MTPN: variants seen among roughly 807,000 people sequenced by gnomAD.
MTPN encodes myotrophin, also known as granule cell differentiation protein.
Under a neutral mutation model 13.5 loss-of-function variants are expected in MTPN, and 2 were observed. The ratio of observed to expected loss-of-function variants is 0.15; its 90% CI spans 0.06 to 0.47. The LOEUF is 0.47. Among genes scored for constraint, MTPN ranks in the 20% least tolerant of loss-of-function variants. The pLI is 0.97. For synonymous variants in MTPN, 46 were observed against 51.7 expected (o/e 0.89, Z 0.48); for missense variants, 79 against 137.9 (o/e 0.57, Z 2.14).
intron 1 of MTPN, among the ~76,000 whole-genome samples, chr7:135,970,251 T>A (rs1799672307): frequency 6.6e-6 from 1 of 152,210 alleles, no homozygotes; most frequent in Admixed American, 6.5e-5. Flanking sequence ...GAAAAACAGA[T>A]GAGTAAGTAA....
intron 1 of MTPN, among the ~76,000 whole-genome samples, chr7:135,967,328 T>C (rs1799621022): frequency 6.6e-6 from 1 of 152,094 alleles, no homozygotes; most frequent in South Asian, 2.1e-4. Flanking sequence ...AGGGAATCTA[T>C]GCAGAACAAA....
rs558791351 is a variant in MTPN, at chr7:135,965,816, C to T, written c.72+11213G>A. Among the ~76,000 whole-genome samples the T allele has an allele frequency of 3.3e-5, 5 of 152,242 alleles. No individual in the cohort carries two copies. In the South Asian group the frequency reaches 6.2e-4, roughly 19 times the overall value. On this transcript the variant is annotated intron_variant, in intron 1 of 3. Coordinates refer to ENST00000393085, the MANE Select transcript of MTPN (RefSeq NM_145808.4). ...AGAGGAAATGAAAGAACATCATTTA[C>T]ACTAAGAATATCTGTTAACATACAA...
At chr7:135,961,315 A>AT (rs34714676) in intron 1 of MTPN, among the ~76,000 whole-genome samples, 64,812 of 151,576 alleles carry the variant, frequency 0.43, 14,225 homozygotes, top group African/African-American at 0.52. Flanking sequence ...AATTCAGTTG[A>AT]TTCCCCCCCT....
chr7:135,931,729 T>C (rs1323157602), intron 3 of MTPN, among the ~76,000 whole-genome samples: 1 of 152,230 alleles, frequency 6.6e-6, no homozygotes, highest in Non-Finnish European at 1.5e-5. Flanking sequence ...AGTGAACTTC[T>C]GTTGCTTTTT....
intron 1 of MTPN, among the ~76,000 whole-genome samples, chr7:135,968,666 T>C (rs898426746): frequency 1.3e-5 from 2 of 151,624 alleles, no homozygotes; most frequent in Admixed American, 1.3e-4. Flanking sequence ...CCTAAGATGA[T>C]TCATAAAGAA....
In MTPN at chr7:135,963,698, T is replaced by C. The variant is rs149563227; in HGVS notation, c.73-12068A>G. 5.9e-5 allele frequency among the ~76,000 whole-genome samples: 9 copies of C among 152,194 alleles called. No homozygotes were observed. In the East Asian group the frequency reaches 1.7e-3, roughly 29 times the overall value. ...TGCATCAAACTTTCAATGATACAAA[T>C]ATGAACTCATTTTAAATAATGAATA... On this transcript the variant is annotated intron_variant, in intron 1 of 3. Transcript: ENST00000393085.
In MTPN at chr7:135,927,754, G is replaced by A. The variant is rs574651964; in HGVS notation, c.*2172C>T. ...TCATAATTATAGGGTTTACAAAAAG[G>A]TCGAGAAAGAAAAGCGAAGGCGAAA... On this transcript the variant is annotated 3_prime_UTR_variant, in exon 4 of 4. Transcript: ENST00000393085. The A allele has an allele frequency of 4.5e-4, 210 of 471,892 alleles. No homozygotes were observed. The highest frequency in any genetic ancestry group is 4.0e-3 in the African/African-American group (199 of 49,938). The allele number at this position is 471,892 out of a possible 1,614,324, so 29.2% of individuals were successfully genotyped here. A position where few individuals can be genotyped will look rare whatever the true frequency, so the allele number is the denominator to read the frequency against.
At chr7:135,935,326 C>T (rs1400002975) in intron 3 of MTPN, among the ~76,000 whole-genome samples, 1 of 151,966 alleles carries the variant, frequency 6.6e-6, no homozygotes, top group African/African-American at 2.4e-5. Flanking sequence ...GCAACCTCCG[C>T]CTCTTGGGTT....
Position 135,927,880 on chromosome 7 carries a change from T to C in MTPN, c.*2046A>G. The C allele has an allele frequency of 5.8e-6, 2 of 347,632 alleles. No homozygotes were observed. Among genetic ancestry groups the C allele is most frequent in the Middle Eastern group, 9.3e-4 (1 of 1,074 alleles). 21.5% of individuals were successfully genotyped at this position (347,632 alleles called of 1,614,324 possible). On this transcript the variant is annotated 3_prime_UTR_variant, in exon 4 of 4. Coordinates refer to ENST00000393085, the MANE Select transcript of MTPN (RefSeq NM_145808.4). ...GAAAGCAGACCAGGTTTAGGAATGA[T>C]AGGACAATGCACTCTCTGCAATAGC...
chr7:135,970,398 AT>A (rs1799676230), intron 1 of MTPN, among the ~76,000 whole-genome samples: 1 of 152,196 alleles, frequency 6.6e-6, no homozygotes, highest in Non-Finnish European at 1.5e-5. Context: ...AATTAATTTA[AT>A]TTTACTTTTT....
chr7:135,941,467 CTT>C (rs1280515087), intron 3 of MTPN, among the ~76,000 whole-genome samples: 3 of 143,618 alleles, frequency 2.1e-5, no homozygotes, highest in Non-Finnish European at 4.6e-5. Context: ...TGTCTCATCT[CTT>C]TAACTTTTCC....
chr7:135,948,519 T>A (rs1799317492), intron 3 of MTPN, among the ~76,000 whole-genome samples: 1 of 152,132 alleles, frequency 6.6e-6, no homozygotes, highest in African/African-American at 2.4e-5. Flanking sequence ...AGCAACACAG[T>A]ACACACACAG....
At chr7:135,932,891 A>G (rs1241287324) in intron 3 of MTPN, 1 of 152,212 alleles carries the variant, frequency 6.6e-6, no homozygotes, top group East Asian at 1.9e-4. Context: ...GGAGTTAGAG[A>G]CCAGCCCGGC....
At chr7:135,976,357 A>G (rs976516194) in intron 1 of MTPN, among the ~76,000 whole-genome samples, 5 of 152,250 alleles carry the variant, frequency 3.3e-5, no homozygotes, top group Non-Finnish European at 7.3e-5. Context: ...TGAAGTTAAC[A>G]TGCTTGTTTA....
intron 1 of MTPN, among the ~76,000 whole-genome samples, chr7:135,975,097 C>T (rs1230365058): frequency 6.6e-6 from 1 of 152,114 alleles, no homozygotes; most frequent in African/African-American, 2.4e-5. Flanking sequence ...AAATTTTTTA[C>T]ATTAATGAAG....
At chr7:135,964,057 C>A (rs1004772084) in intron 1 of MTPN, among the ~76,000 whole-genome samples, 2 of 151,762 alleles carry the variant, frequency 1.3e-5, no homozygotes, top group Non-Finnish European at 2.9e-5. Flanking sequence ...TATAATATGT[C>A]AATTTGGAAA....
chr7:135,939,138 T>C (rs1251235616), intron 3 of MTPN, among the ~76,000 whole-genome samples: 1 of 152,210 alleles, frequency 6.6e-6, no homozygotes, highest in Non-Finnish European at 1.5e-5. Context: ...TGTTAACTCC[T>C]ATATCCCCAG....
At chr7:135,933,946 T>A (rs894305121) in intron 3 of MTPN, among the ~76,000 whole-genome samples, 4 of 152,010 alleles carry the variant, frequency 2.6e-5, no homozygotes, top group African/African-American at 9.7e-5. Flanking sequence ...GTGTAGCACC[T>A]CCCCCTTCAC....
rs139970410 is a variant in MTPN at position 135,950,348 on chromosome 7, CTGTG to C, written c.270+247_270+250del. Among the ~76,000 whole-genome samples, 37 of 151,876 alleles carry C rather than the reference CTGTG, an allele frequency of 2.4e-4. No homozygotes were observed. In the East Asian group the frequency reaches 6.8e-3, roughly 28 times the overall value. ...TACAATGGTTATTTCAAGCTGGTTT[CTGTG>C]TGTGTGTGTGTAAAATATTTTCTTG... On this transcript the variant is annotated intron_variant, in intron 3 of 3. Coordinates refer to ENST00000393085, the MANE Select transcript of MTPN (RefSeq NM_145808.4).
Sources: gnomAD v4.1 joint callset for allele counts (sites outside exome capture counted in the v4.1 genomes callset) on GRCh38, gnomAD v4.1.1 for gene constraint, MANE v1.5 for transcripts, NCBI Gene and HGNC (gene_info 2026-07-23, HGNC 2026-07-21) for gene names.